The following IFT122 variants were observed in gnomAD, a reference collection of about 807,000 sequenced individuals.
IFT122 encodes intraflagellar transport 122.
IFT122 carries 118 observed loss-of-function variants against 161.6 expected under a neutral mutation model. The ratio of observed to expected loss-of-function variants is 0.73; its 90% CI spans 0.63 to 0.85. The LOEUF (loss-of-function observed/expected upper bound fraction) is 0.85, where lower values mean the gene tolerates loss of function less well. Among genes scored for constraint, IFT122 ranks in the 40% least tolerant of loss-of-function variants. The pLI is 0.00. For synonymous variants in IFT122, 550 were observed against 602.4 expected (o/e 0.91, Z 1.27); for missense variants, 1,381 against 1,579.6 (o/e 0.87, Z 2.13).
At chr3:129,488,106 A>T in intron 15 of IFT122, 151 bp from the exon 16 acceptor site, 1 of 1,252,720 alleles carries the variant, frequency 8.0e-7, no homozygotes, top group Non-Finnish European at 1.1e-6. Context: ...TGGGCTGGGC[A>T]GGCTGGGCAG....
chr3:129,454,554 TGTGC>T (rs1325856724), intron 3 of IFT122, among the ~76,000 whole-genome samples: 1 of 150,098 alleles, frequency 6.7e-6, no homozygotes, highest in African/African-American at 2.5e-5. Context: ...TGTGTGTGTG[TGTGC>T]ATGTTTGAGT....
Position 129,515,476 on chromosome 3 carries a change from G to A in IFT122, c.3154-12G>A, listed in dbSNP as rs371901760. On this transcript the variant is annotated splice_polypyrimidine_tract_variant and intron_variant, in intron 25 of 29. Transcript: ENST00000348417. ...TGCCCCGGCCCCTCGGGAGTCCGTG[G>A]CTGTTTTGTAGGAGTTGGTGCCCTT... 1.5e-5 allele frequency: 18 copies of A among 1,219,942 alleles called. No individual in the cohort carries two copies. The African/African-American group carries it at 2.0e-4, about 14-fold the overall frequency. The allele number at this position is 1,219,942 out of a possible 1,614,324, so 75.6% of individuals were successfully genotyped here.
intron 3 of IFT122, among the ~76,000 whole-genome samples, chr3:129,455,235 C>T (rs551797724): frequency 2.0e-5 from 3 of 151,804 alleles, no homozygotes; most frequent in East Asian, 1.9e-4. Context: ...TGCAGTGGCG[C>T]GATCTCGGCT....
chr3:129,460,450 A>AT (rs1022308908), intron 4 of IFT122, among the ~76,000 whole-genome samples: 181 of 150,776 alleles, frequency 1.2e-3, no homozygotes, highest in Middle Eastern at 3.4e-3. Context: ...CTTTATTATT[A>AT]TTTTTTTTTA....
chr3:129,486,263 G>A (rs187528258), intron 15 of IFT122, among the ~76,000 whole-genome samples: 16 of 152,164 alleles, frequency 1.1e-4, no homozygotes, highest in African/African-American at 3.6e-4. Context: ...GGTGTGGTTC[G>A]GGGAAGGAGC....
intron 23 of IFT122, among the ~76,000 whole-genome samples, chr3:129,511,090 A>G (rs185966505): frequency 3.7e-4 from 56 of 152,342 alleles, no homozygotes; most frequent in Non-Finnish European, 6.8e-4. Context: ...TTCAGCATCC[A>G]GGGCCCAGCA....
At chr3:129,484,454 A>G (rs2079048604) in intron 15 of IFT122, among the ~76,000 whole-genome samples, 1 of 152,220 alleles carries the variant, frequency 6.6e-6, no homozygotes, top group South Asian at 2.1e-4. Context: ...TATATGCATA[A>G]TATACAATTA....
At chr3:129,477,324 C>T (rs1444488472) in intron 11 of IFT122, among the ~76,000 whole-genome samples, 1 of 152,206 alleles carries the variant, frequency 6.6e-6, no homozygotes, top group Non-Finnish European at 1.5e-5. Flanking sequence ...ACTGCAGTCT[C>T]TCCCTCTGTC....
At chr3:129,479,541 C>G (rs1000045246) in intron 12 of IFT122, among the ~76,000 whole-genome samples, 6 of 152,138 alleles carry the variant, frequency 3.9e-5, no homozygotes, top group African/African-American at 1.4e-4. Context: ...TGAGTGCTGC[C>G]TCTGGCCTAG....
At chr3:129,512,452 C>A in intron 24 of IFT122, 40 bp downstream of exon 24, 2 of 1,360,744 alleles carry the variant, frequency 1.5e-6, no homozygotes, top group Non-Finnish European at 2.1e-6. Context: ...CACCACCGTT[C>A]TTGTCTAATG....
chr3:129,516,827 CAG>C lies in IFT122; in HGVS notation c.3266-638_3266-637del, dbSNP rs1287969281. Among the ~76,000 whole-genome samples, 567 of 136,652 alleles carry C rather than the reference CAG, an allele frequency of 4.1e-3. 13 individuals carry two copies. The highest frequency in any genetic ancestry group is 0.011 in the African/African-American group (379 of 35,908). 89.6% of individuals were successfully genotyped at this position (136,652 alleles called of 152,430 possible). ...CAGAGACTGCCCCTGCACACACACACAGAGACTGCCCCTGCACACACACACAC... is the reference window on the plus strand; with the variant it reads ...CAGAGACTGCCCCTGCACACACACACAGACTGCCCCTGCACACACACACAC... On this transcript the variant is annotated intron_variant, in intron 26 of 29. Transcript: ENST00000348417.
At chr3:129,507,051 G>A (rs923862277) in intron 22 of IFT122, among the ~76,000 whole-genome samples, 2 of 152,192 alleles carry the variant, frequency 1.3e-5, no homozygotes. Context: ...ACATGCAGGG[G>A]TGGGAAAAAC....
At chr3:129,443,478 A>G (rs200300634) in intron 1 of IFT122, among the ~76,000 whole-genome samples, 2 of 152,356 alleles carry the variant, frequency 1.3e-5, no homozygotes, top group Admixed American at 6.5e-5. Flanking sequence ...CAGGGGCTAG[A>G]TGGCCATCTA....
Position 129,440,271 on chromosome 3 carries a change from C to A in IFT122, c.-60C>A. The stretch of plus-strand genomic sequence containing the variant: ...TGTGGAGTGGCGACCGTTAGTGAGG[C>A]GGTTGCTGAGACAGACGCTGAGGCG... On this transcript the variant is annotated 5_prime_UTR_variant, in exon 1 of 30. Coordinates refer to ENST00000348417, the MANE Select transcript of IFT122 (RefSeq NM_052989.3). 6.5e-7 allele frequency: 1 copy of A among 1,544,994 alleles called. No homozygotes were observed. The highest frequency in any genetic ancestry group is 8.7e-7 in the Non-Finnish European group (1 of 1,143,808).
chr3:129,493,732 T>A (rs2080442941), intron 17 of IFT122, among the ~76,000 whole-genome samples: 2 of 152,238 alleles, frequency 1.3e-5, no homozygotes, highest in South Asian at 4.1e-4. Context: ...CTGCTGACTT[T>A]CACTTGTAAA....
chr3:129,498,367 G>A (rs983213218), intron 18 of IFT122, among the ~76,000 whole-genome samples: 24 of 152,224 alleles, frequency 1.6e-4, no homozygotes, highest in African/African-American at 5.8e-4. Flanking sequence ...CAGCCAGGTA[G>A]GCAGGGTTTC....
In IFT122 at chr3:129,460,971, C is replaced by A. The variant is rs951629848; in HGVS notation, c.273-257C>A. ...AAGGCCAAGGTGGGAGGATTGATTGCTTGAGGCCAAGCGTTCAAAACCAAC... is the reference window on the plus strand; with the variant it reads ...AAGGCCAAGGTGGGAGGATTGATTGATTGAGGCCAAGCGTTCAAAACCAAC... On this transcript the variant is annotated intron_variant, in intron 4 of 29. Transcript: ENST00000348417. 6.9e-6 allele frequency: 11 copies of A among 1,594,046 alleles called. No individual in the cohort carries two copies. In the East Asian group the frequency reaches 1.1e-4, roughly 16 times the overall value.
Position 129,520,248 on chromosome 3 carries a change from G to A in IFT122, c.3709G>A (p.Asp1237Asn), listed in dbSNP as rs771368193. 8 of 1,609,768 alleles carry A rather than the reference G, an allele frequency of 5.0e-6. No homozygotes were observed. The highest frequency in any genetic ancestry group is 6.8e-6 in the Non-Finnish European group (8 of 1,179,772). The change falls in exon 30 of 30, where the codon GAT becomes AAT. Residue 1237 changes from aspartate to asparagine, a missense_variant. Physicochemically the swap from Asp to Asn is conservative, Grantham distance 23 (BLOSUM62 1). Coordinates refer to ENST00000348417, the MANE Select transcript of IFT122 (RefSeq NM_052989.3). The part of the protein sequence containing the change: ...GCCPYCRRCK[D>N]DPGP The stretch of plus-strand genomic sequence containing the variant: ...CTGCCCCTACTGCCGCAGGTGCAAG[G>A]ATGACCCTGGCCCATGACCAGCATC...
chr3:129,478,007 C>G lies in IFT122; in HGVS notation c.1148-9C>G, dbSNP rs754061139. The G allele has an allele frequency of 1.2e-6, 2 of 1,612,326 alleles. No homozygotes were observed. Among genetic ancestry groups the G allele is most frequent in the East Asian group, 4.5e-5 (2 of 44,876 alleles). On this transcript the variant is annotated splice_polypyrimidine_tract_variant and intron_variant, in intron 11 of 29. Transcript: ENST00000348417. ...TCTTGCTAGAACTAGATATTTTTTT[C>G]TTTGACAGTTCGGATTAAATGCAAA...
Sources: allele counts gnomAD v4.1 joint callset (sites outside exome capture counted in the v4.1 genomes callset), GRCh38; gene constraint gnomAD v4.1.1; transcripts MANE v1.5; gene names NCBI Gene and HGNC (gene_info 2026-07-23, HGNC 2026-07-21).